Variants in SEC23B observed in about 807,000 individuals in gnomAD.
SEC23B encodes protein transport protein Sec23B.
A neutral mutation model predicts 104.3 loss-of-function variants in SEC23B; 77 were observed. That is an observed-to-expected ratio of 0.74 (90% CI 0.61 to 0.89). The LOEUF is 0.89. Ranked by LOEUF, SEC23B falls within the 40% of genes least tolerant of loss-of-function variation. The probability of loss-of-function intolerance (pLI) is 0.00; values close to 1 mark genes in which losing one functional copy is unlikely to be tolerated. For synonymous variants in SEC23B, 338 were observed against 332.5 expected, an observed-to-expected ratio of 1.02 and a Z score of -0.18; for missense variants, 885 against 949.4, an observed-to-expected ratio of 0.93 and a Z score of 0.89.
intron 4 of SEC23B, among the ~76,000 whole-genome samples, chr20:18,521,256 G>T (rs1000764430): frequency 6.6e-6 from 1 of 152,188 alleles, no homozygotes; most frequent in Non-Finnish European, 1.5e-5. Flanking sequence ...AAGTCCTGTT[G>T]TGGGGTTTAA....
chr20:18,537,739 T>C (rs1013171476), intron 12 of SEC23B, among the ~76,000 whole-genome samples: 8 of 151,984 alleles, frequency 5.3e-5, no homozygotes, highest in East Asian at 1.9e-4. Flanking sequence ...AGTATAATAA[T>C]AATAAAAAAT....
Position 18,527,576 on chromosome 20 carries a change from A to T in SEC23B, c.1074A>T (p.Gly358=). The part of the protein sequence containing the change: ...DIYACALDQT[G]LLEMKCCANL... ...ATGCTTGTGCCCTTGATCAAACTGG[A>T]CTTTTGGAGATGAAGTGTTGTGCAA... Residue 358 remains glycine, a synonymous_variant, in exon 9 of 20, where the codon GGA becomes GGT. Coordinates refer to ENST00000650089, the MANE Select transcript of SEC23B (RefSeq NM_006363.6). The T allele has an allele frequency of 1.2e-6, 2 of 1,612,324 alleles. No homozygotes were observed. The highest frequency in any genetic ancestry group is 1.7e-6 in the Non-Finnish European group (2 of 1,178,406).
At chr20:18,520,354 C>T (rs1041086679) in intron 4 of SEC23B, among the ~76,000 whole-genome samples, 2 of 151,964 alleles carry the variant, frequency 1.3e-5, no homozygotes, top group African/African-American at 2.4e-5. Context: ...TGGCATTGAG[C>T]GGGGTAAGAG....
intron 16 of SEC23B, among the ~76,000 whole-genome samples, chr20:18,550,209 C>T (rs531344442): frequency 6.7e-6 from 1 of 148,912 alleles, no homozygotes; most frequent in Admixed American, 6.8e-5. Context: ...GGTTGGAGTA[C>T]AGTTGTGCGA....
At chr20:18,549,307 C>T (rs1263401049) in intron 16 of SEC23B, among the ~76,000 whole-genome samples, 1 of 152,110 alleles carries the variant, frequency 6.6e-6, no homozygotes, top group Non-Finnish European at 1.5e-5. Context: ...GTAACCTTGG[C>T]ACATCCTCCT....
intron 3 of SEC23B, among the ~76,000 whole-genome samples, chr20:18,514,555 C>T (rs1230308903): frequency 6.6e-6 from 1 of 152,198 alleles, no homozygotes; most frequent in Non-Finnish European, 1.5e-5. Flanking sequence ...GAGTGATCAT[C>T]TGCTCACTTT....
In SEC23B at chr20:18,512,212, A is replaced by G; in HGVS notation, c.222-13A>G. ...AAAGTGGTACCTACTTATAATATTT[A>G]TCTTTCTCACAGTCAGGTTGATTAT... On this transcript the variant is annotated splice_polypyrimidine_tract_variant and intron_variant, in intron 2 of 19. Transcript: ENST00000650089. 6.4e-7 allele frequency: 1 copy of G among 1,552,008 alleles called. No individual in the cohort carries two copies. The highest frequency in any genetic ancestry group is 8.8e-7 in the Non-Finnish European group (1 of 1,129,962).
rs1448322959 is a variant in SEC23B at position 18,561,341 on chromosome 20, G to T, written c.*601G>T. 6.6e-6 allele frequency: 1 copy of T among 152,380 alleles called. No individual in the cohort carries two copies. The highest frequency in any genetic ancestry group is 1.5e-5 in the Non-Finnish European group (1 of 68,240). 9.4% of individuals were successfully genotyped at this position (152,380 alleles called of 1,614,324 possible). On this transcript the variant is annotated 3_prime_UTR_variant, in exon 20 of 20. Transcript: ENST00000650089. The stretch of plus-strand genomic sequence containing the variant: ...AACCTCTCCTTACAAGATTTTTGTT[G>T]TTGATGTATTTAATTTTAGCCCATG...
At chr20:18,537,659 C>T (rs1418331884) in intron 12 of SEC23B, among the ~76,000 whole-genome samples, 3 of 152,172 alleles carry the variant, frequency 2.0e-5, no homozygotes, top group South Asian at 2.1e-4. Context: ...ATGGGTACAG[C>T]ACACCAGCAT....
intron 4 of SEC23B, among the ~76,000 whole-genome samples, chr20:18,518,582 G>GATTTTTTTTTT (rs2060052672): frequency 1.1e-5 from 1 of 92,658 alleles, no homozygotes; most frequent in African/African-American, 4.2e-5. Context: ...CTGGAAGGAG[G>GATTTTTTTTTT]TTTTTTTTTT....
At position 18,526,408 on chromosome 20, in the gene SEC23B, G is replaced by GATA; in HGVS notation, c.870_871insATA (p.Leu290_Phe291insIle). ...CAAACACAGGAGCCAGGATCATGCTGTTTACTGGAGGTCCCCCTACCCAAG... is the reference window on the plus strand; with the variant it reads ...CAAACACAGGAGCCAGGATCATGCTGATATTTACTGGAGGTCCCCCTACCCAAG... On this transcript the variant is annotated inframe_insertion, in exon 8 of 20. Coordinates refer to ENST00000650089, the MANE Select transcript of SEC23B (RefSeq NM_006363.6). 6.2e-7 allele frequency: 1 copy of GATA among 1,614,180 alleles called. No individual in the cohort carries two copies. Among genetic ancestry groups the GATA allele is most frequent in the Non-Finnish European group, 8.5e-7 (1 of 1,180,024 alleles).
intron 4 of SEC23B, among the ~76,000 whole-genome samples, chr20:18,520,826 A>G (rs1191298316): frequency 6.6e-6 from 1 of 151,948 alleles, no homozygotes; most frequent in Non-Finnish European, 1.5e-5. Context: ...GTGATGGTCT[A>G]GGTGGCTTCT....
chr20:18,523,084 A>G (rs1476628353), intron 4 of SEC23B, among the ~76,000 whole-genome samples: 2 of 151,202 alleles, frequency 1.3e-5, no homozygotes, highest in African/African-American at 4.9e-5. Flanking sequence ...AAAGAAAAAA[A>G]AATCATGTTA....
chr20:18,512,279 T>A lies in SEC23B; in HGVS notation c.276T>A (p.Asn92Lys). ...LWACNFCFQR[N>K]QFPPAYGGIS... is the part of the protein sequence containing the mutation. ...CCTGTAATTTCTGTTTTCAAAGAAA[T>A]CAGGTATGTGAATTATTTTTAAAAA... is the stretch of plus-strand genomic sequence containing the variant. The change falls in exon 3 of 20, where the codon AAT becomes AAA. Residue 92 changes from asparagine to lysine, a missense_variant. Coordinates refer to ENST00000650089, the MANE Select transcript of SEC23B (RefSeq NM_006363.6). 3 of 1,565,884 alleles carry A rather than the reference T, an allele frequency of 1.9e-6. No individual in the cohort carries two copies. Among genetic ancestry groups the A allele is most frequent in the Non-Finnish European group, 2.6e-6 (3 of 1,139,134 alleles).
At chr20:18,512,673 C>G (rs1253570340) in intron 3 of SEC23B, among the ~76,000 whole-genome samples, 2 of 152,170 alleles carry the variant, frequency 1.3e-5, no homozygotes, top group African/African-American at 4.8e-5. Context: ...GTCCAGGTAT[C>G]AGTGTTGAGC....
chr20:18,527,529 A>AATG lies in SEC23B; in HGVS notation c.1028_1030dup (p.Asn343_Gly344insAsp), dbSNP rs764816865. 1 of 1,613,414 alleles carries AATG rather than the reference A, an allele frequency of 6.2e-7. No individual in the cohort carries two copies. The highest frequency in any genetic ancestry group is 8.5e-7 in the Non-Finnish European group (1 of 1,179,288). On this transcript the variant is annotated inframe_insertion, in exon 9 of 20. Transcript: ENST00000650089. ...GATGCTTGCTAATCGAACAGCTGCA[A>AATG]ATGGTCACTGCATTGATATTTATGC...
chr20:18,527,219 A>G (rs2060141697), intron 8 of SEC23B, among the ~76,000 whole-genome samples: 2 of 152,088 alleles, frequency 1.3e-5, no homozygotes, highest in South Asian at 4.1e-4. Flanking sequence ...TGTCTCAAAA[A>G]GTAAATAAAA....
intron 9 of SEC23B, among the ~76,000 whole-genome samples, chr20:18,529,566 A>G (rs1261096068): frequency 6.6e-6 from 1 of 152,190 alleles, no homozygotes; most frequent in Admixed American, 6.5e-5. Flanking sequence ...AAGCTGCTCT[A>G]CCACCATTCA....
chr20:18,536,488 C>T (rs2060232137), intron 12 of SEC23B, among the ~76,000 whole-genome samples: 1 of 151,998 alleles, frequency 6.6e-6, no homozygotes, highest in Non-Finnish European at 1.5e-5. Context: ...GTCAGGAGAT[C>T]GAGACCATCC....
Sources: gnomAD v4.1 joint callset for allele counts (sites outside exome capture counted in the v4.1 genomes callset) on GRCh38, gnomAD v4.1.1 for gene constraint, MANE v1.5 for transcripts, NCBI Gene and HGNC (gene_info 2026-07-23, HGNC 2026-07-21) for gene names.